Variants in CNBD1 observed in about 807,000 individuals in gnomAD.
The protein encoded by CNBD1 is cyclic nucleotide-binding domain-containing protein 1.
A neutral mutation model predicts 54.4 loss-of-function variants in CNBD1; 71 were observed. That is an observed-to-expected ratio of 1.30 (90% CI 1.08 to 1.59). The LOEUF is 1.59. Ranked by LOEUF, CNBD1 falls within the 40% of genes most tolerant of loss-of-function variation. CNBD1 has a pLI of 0.00. For missense variants in CNBD1, 659 were observed against 518.0 expected (o/e 1.27, Z -2.64); for synonymous variants, 182 against 170.7 (o/e 1.07, Z -0.51).
At chr8:87,083,876 C>G (rs932511026) in intron 4 of CNBD1, among the ~76,000 whole-genome samples, 7 of 152,074 alleles carry the variant, frequency 4.6e-5, no homozygotes, top group Admixed American at 3.9e-4. Flanking sequence ...GCTTGAGCCA[C>G]CGCGCCTGGC....
chr8:87,134,381 G>GAGTATAT (rs1812182574), intron 4 of CNBD1, among the ~76,000 whole-genome samples: 1 of 152,006 alleles, frequency 6.6e-6, no homozygotes, highest in Admixed American at 6.6e-5. Flanking sequence ...CAACAAAAAA[G>GAGTATAT]AGTATATAGT....
intron 4 of CNBD1, among the ~76,000 whole-genome samples, chr8:87,074,266 TC>T (rs1403180703): frequency 6.6e-6 from 1 of 151,954 alleles, no homozygotes; most frequent in East Asian, 1.9e-4. Context: ...GGCCACACCC[TC>T]CCCCTGGGAA....
At chr8:87,402,698 G>T (rs1807586867) in intron 2 of CNBD1, among the ~76,000 whole-genome samples, 1 of 152,042 alleles carries the variant, frequency 6.6e-6, no homozygotes, top group Non-Finnish European at 1.5e-5. Context: ...TTTATGCCAT[G>T]TTAAGGAGTT....
intron 5 of CNBD1, among the ~76,000 whole-genome samples, chr8:87,227,061 AC>A (rs1397956916): frequency 2.0e-5 from 3 of 150,556 alleles, no homozygotes; most frequent in African/African-American, 4.9e-5. Context: ...TAGGATTGCA[AC>A]CCCTGCCTTT....
intron 4 of CNBD1, among the ~76,000 whole-genome samples, chr8:87,081,742 G>T (rs1056600103): frequency 6.6e-6 from 1 of 151,868 alleles, no homozygotes; most frequent in Non-Finnish European, 1.5e-5. Context: ...TCTTGACCTC[G>T]TGATCTGCCT....
chr8:87,052,592 C>T (rs1288800344), intron 4 of CNBD1, among the ~76,000 whole-genome samples: 1 of 152,154 alleles, frequency 6.6e-6, no homozygotes, highest in Admixed American at 6.5e-5. Context: ...AATGGAGTTT[C>T]TTGTTCCTGT....
In CNBD1 at chr8:86,896,630, A is replaced by T. The variant is rs575497698; in HGVS notation, c.159-8451A>T. 5.3e-5 allele frequency among the ~76,000 whole-genome samples: 8 copies of T among 152,224 alleles called. No individual in the cohort carries two copies. In the East Asian group the frequency reaches 1.3e-3, roughly 26 times the overall value. On this transcript the variant is annotated intron_variant, in intron 2 of 10. Coordinates refer to ENST00000518476, the MANE Select transcript of CNBD1 (RefSeq NM_173538.3). The stretch of plus-strand genomic sequence containing the variant: ...TGTTATTTGTGTATAAAAATCTACT[A>T]ATTTTTTATTGACTTTGTATCCTGT...
chr8:87,284,840 A>C, intron 7 of CNBD1, 25 bp downstream of exon 7: 1 of 1,497,332 alleles, frequency 6.7e-7, no homozygotes, highest in South Asian at 1.3e-5. Flanking sequence ...AATATTTTAT[A>C]TAAACAAAAA....
chr8:86,913,294 A>AC (rs1809131989), intron 3 of CNBD1, among the ~76,000 whole-genome samples: 1 of 152,176 alleles, frequency 6.6e-6, no homozygotes, highest in South Asian at 2.1e-4. Flanking sequence ...AGTGCCCTTT[A>AC]CAGATATACC....
chr8:87,427,566 C>A (rs1808071276), intron 2 of CNBD1, among the ~76,000 whole-genome samples: 1 of 151,908 alleles, frequency 6.6e-6, no homozygotes, highest in Admixed American at 6.6e-5. Context: ...AACAGTTTGC[C>A]CAACTATCTG....
chr8:86,960,782 A>C (rs1474223465), intron 4 of CNBD1, among the ~76,000 whole-genome samples: 1 of 152,092 alleles, frequency 6.6e-6, no homozygotes, highest in African/African-American at 2.4e-5. Context: ...CTCTGAGACG[A>C]AGCTTCCAGA....
intron 1 of CNBD1, among the ~76,000 whole-genome samples, chr8:86,878,080 C>CTCTG (rs1554627111): frequency 7.4e-6 from 1 of 135,876 alleles, no homozygotes; most frequent in African/African-American, 2.7e-5. Context: ...TTCATCAAAG[C>CTCTG]TGTGTGTGTG....
chr8:87,163,432 A>C lies in CNBD1; in HGVS notation c.432-42561A>C, dbSNP rs190148908. 2.0e-5 allele frequency among the ~76,000 whole-genome samples: 3 copies of C among 152,060 alleles called. No individual in the cohort carries two copies. Among genetic ancestry groups the C allele is most frequent in the Admixed American group, 2.0e-4 (3 of 15,242 alleles). ...CAGGTCATATGAATAATTTAATATTAATTTCTTCAACCCATGAATACAAGG... is the reference window on the plus strand; with the variant it reads ...CAGGTCATATGAATAATTTAATATTCATTTCTTCAACCCATGAATACAAGG... On this transcript the variant is annotated intron_variant, in intron 4 of 10. Coordinates refer to ENST00000518476, the MANE Select transcript of CNBD1 (RefSeq NM_173538.3). This position sits in a 1 kb window ranked among gnomAD's most constrained non-coding sequence, Gnocchi z 4.5.
At chr8:87,238,400 C>A (rs929432320) in intron 6 of CNBD1, among the ~76,000 whole-genome samples, 1 of 152,014 alleles carries the variant, frequency 6.6e-6, no homozygotes, top group Non-Finnish European at 1.5e-5. Context: ...CCCAGTGAAG[C>A]CACTGGGAAA....
intron 2 of CNBD1, among the ~76,000 whole-genome samples, chr8:87,391,976 A>G (rs1024474712): frequency 1.3e-5 from 2 of 152,058 alleles, no homozygotes; most frequent in African/African-American, 2.4e-5. Context: ...AAGAACCACA[A>G]CTGTGTAATT....
At chr8:87,412,837 A>G (rs1387841180) in intron 2 of CNBD1, among the ~76,000 whole-genome samples, 4 of 152,048 alleles carry the variant, frequency 2.6e-5, no homozygotes, top group Non-Finnish European at 4.4e-5. Flanking sequence ...GATGTAAATG[A>G]TTACATTCTT....
chr8:87,339,024 T>C (rs1411103569), intron 8 of CNBD1, among the ~76,000 whole-genome samples: 1 of 152,126 alleles, frequency 6.6e-6, no homozygotes, highest in Non-Finnish European at 1.5e-5. Flanking sequence ...TGGGCTACAG[T>C]TTGGTATTTC....
intron 4 of CNBD1, among the ~76,000 whole-genome samples, chr8:86,976,309 C>A (rs1808341843): frequency 6.7e-6 from 1 of 150,012 alleles, no homozygotes; most frequent in Admixed American, 6.7e-5. Context: ...CTATCCAGAC[C>A]AATGTCACGG....
At chr8:87,401,678 T>C (rs948848744) in intron 2 of CNBD1, among the ~76,000 whole-genome samples, 2 of 152,064 alleles carry the variant, frequency 1.3e-5, no homozygotes, top group African/African-American at 4.8e-5. Flanking sequence ...ACCTAACCTT[T>C]AAGCTACTTG....
Sources: gnomAD v4.1 joint callset for allele counts (sites outside exome capture counted in the v4.1 genomes callset) on GRCh38, gnomAD v4.1.1 for gene constraint, Gnocchi (gnomAD v3.1) non-coding constraint, MANE v1.5 for transcripts, NCBI Gene and HGNC (gene_info 2026-07-23, HGNC 2026-07-21) for gene names.